Variants in STAB2 observed in about 807,000 individuals in gnomAD.
The protein encoded by STAB2 is stabilin-2.
STAB2 carries 288 observed loss-of-function variants against 338.1 expected under a neutral mutation model. The ratio of observed to expected loss-of-function variants is 0.85; its 90% CI spans 0.77 to 0.94. The LOEUF (loss-of-function observed/expected upper bound fraction) is 0.94. Among genes scored for constraint, STAB2 ranks in the 40% least tolerant of loss-of-function variants. STAB2 has a pLI of 0.00. For missense variants in STAB2, 3,141 were observed against 3,210.1 expected, an observed-to-expected ratio of 0.98 and a Z score of 0.52; for synonymous variants, 1,202 against 1,193.3, an observed-to-expected ratio of 1.01 and a Z score of -0.15.
intron 46 of STAB2, 34 bp downstream of exon 46, chr12:103,726,197 G>C: frequency 6.2e-7 from 1 of 1,612,004 alleles, no homozygotes; most frequent in East Asian, 2.2e-5. Context: ...AGCCATAAGA[G>C]TTCAGCCTAG....
intron 41 of STAB2, among the ~76,000 whole-genome samples, chr12:103,712,651 T>C (rs1879973225): frequency 6.6e-6 from 1 of 152,172 alleles, no homozygotes; most frequent in Non-Finnish European, 1.5e-5. Flanking sequence ...TGGGAAGCTT[T>C]AAAAAACAGT....
chr12:103,765,957 T>A, intron 68 of STAB2: 1 of 429,858 alleles, frequency 2.3e-6, no homozygotes, highest in South Asian at 2.0e-5. Flanking sequence ...GTGAGGTGCT[T>A]ATACCTTGCT....
chr12:103,690,373 C>T (rs1249498917), intron 29 of STAB2, 51 bp from the exon 30 acceptor site: 3 of 1,439,300 alleles, frequency 2.1e-6, no homozygotes, highest in African/African-American at 1.4e-5. Flanking sequence ...TTCAATGATA[C>T]AGCCCCATAC....
chr12:103,712,732 C>T (rs1032210989), intron 41 of STAB2, among the ~76,000 whole-genome samples: 2 of 152,194 alleles, frequency 1.3e-5, no homozygotes, highest in Admixed American at 6.5e-5. Flanking sequence ...CTCATCTATA[C>T]ATTATGACAG....
chr12:103,705,685 C>T lies in STAB2; in HGVS notation c.3954C>T (p.Thr1318=), dbSNP rs766909847. The T allele has an allele frequency of 8.1e-6, 13 of 1,614,124 alleles. No individual in the cohort carries two copies. The highest frequency in any genetic ancestry group is 1.1e-5 in the Non-Finnish European group (13 of 1,180,014). Residue 1318 remains threonine (T), a synonymous_variant, in exon 37 of 69, where the codon ACC becomes ACT. Coordinates refer to ENST00000388887, the MANE Select transcript of STAB2 (RefSeq NM_017564.10). ...CCTCCTATTTCATGGGAAGACGAAC[C>T]CTGTTTATTGGGTGCCAGCCAAAAT... The part of the protein sequence containing the change: ...IYTSYFMGRR[T]LFIGCQPKCV...
intron 25 of STAB2, 62 bp from the exon 26 acceptor site, chr12:103,683,143 G>A: frequency 6.9e-7 from 1 of 1,459,484 alleles, no homozygotes; most frequent in Non-Finnish European, 9.6e-7. Flanking sequence ...TGCTGTGTGA[G>A]GGAAAGACAT....
At chr12:103,737,574 T>TTCTC (rs10558320) in intron 52 of STAB2, 60 bp from the exon 53 acceptor site, 53,869 of 1,007,738 alleles carry the variant, frequency 0.053, 1,036 homozygotes, top group Admixed American at 0.1. Flanking sequence ...GATTGACTGT[T>TTCTC]TCTCTCTCTC....
At chr12:103,612,888 T>C (rs1471608639) in intron 3 of STAB2, among the ~76,000 whole-genome samples, 3 of 152,196 alleles carry the variant, frequency 2.0e-5, no homozygotes, top group African/African-American at 7.2e-5. Flanking sequence ...TTTCTGTTTG[T>C]TAGTTTTCCT....
chr12:103,742,976 G>A (rs1396054969), intron 56 of STAB2, among the ~76,000 whole-genome samples: 1 of 151,246 alleles, frequency 6.6e-6, no homozygotes, highest in East Asian at 1.9e-4. Context: ...AGAAACCAAG[G>A]TACAAAGAGC....
chr12:103,591,292 C>T (rs927953633), intron 2 of STAB2, among the ~76,000 whole-genome samples: 2 of 152,156 alleles, frequency 1.3e-5, no homozygotes, highest in South Asian at 2.1e-4. Flanking sequence ...CGAGACCAAC[C>T]TGTCCAACAT....
Position 103,648,719 on chromosome 12 carries a change from A to T in STAB2, c.1070A>T (p.Asp357Val), listed in dbSNP as rs754430949. ...ATTTGCCAGAAAGGTTACGTGGGTG[A>T]TGGCTTAACGTGTTATGGAAACATT... ...ECICQKGYVG[D>V]GLTCYGNIME... Residue 357 changes from aspartate to valine, a missense_variant, in exon 10 of 69, where the codon GAT becomes GTT. Physicochemically the swap from Asp to Val is radical, Grantham distance 152. Coordinates refer to ENST00000388887, the MANE Select transcript of STAB2 (RefSeq NM_017564.10). The T allele has an allele frequency of 1.2e-5, 19 of 1,614,098 alleles. No individual in the cohort carries two copies. The highest frequency in any genetic ancestry group is 1.5e-5 in the Non-Finnish European group (18 of 1,179,990).
intron 39 of STAB2, 155 bp from the exon 40 acceptor site, chr12:103,711,316 A>G (rs904801365): frequency 8.6e-6 from 8 of 925,594 alleles, no homozygotes; most frequent in Admixed American, 2.8e-5. Flanking sequence ...CATGGCAGCC[A>G]GTATAAAAAA....
chr12:103,740,381 A>T (rs1882485655), intron 54 of STAB2, among the ~76,000 whole-genome samples: 1 of 152,138 alleles, frequency 6.6e-6, no homozygotes, highest in South Asian at 2.1e-4. Flanking sequence ...TAAGGGTCTG[A>T]AAGTTCTTCC....
chr12:103,705,657 A>G lies in STAB2; in HGVS notation c.3926A>G (p.Tyr1309Cys). The G allele has an allele frequency of 6.2e-7, 1 of 1,614,174 alleles. No homozygotes were observed. The highest frequency in any genetic ancestry group is 8.5e-7 in the Non-Finnish European group (1 of 1,180,002). The change falls in exon 37 of 69, where the codon TAT (tyrosine) becomes TGT (cysteine). Residue 1309 changes from tyrosine to cysteine, a missense_variant. Tyr to Cys is a radical substitution (Grantham distance 194, BLOSUM62 -2). Transcript: ENST00000388887. ...GGTAATGAGAAGAGGAGATGCATCT[A>G]TACCTCCTATTTCATGGGAAGACGA... ...SLGNEKRRCIYTSYFMGRRTL... is the reference protein window; with the variant it reads ...SLGNEKRRCICTSYFMGRRTL...
intron 18 of STAB2, among the ~76,000 whole-genome samples, chr12:103,664,304 C>T (rs571915364): frequency 9.2e-5 from 14 of 152,202 alleles, no homozygotes; most frequent in African/African-American, 2.9e-4. Context: ...CCACCACGCC[C>T]GGCTAATTTT....
chr12:103,702,816 G>T (rs1879019472), intron 34 of STAB2, among the ~76,000 whole-genome samples: 1 of 152,170 alleles, frequency 6.6e-6, no homozygotes, highest in South Asian at 2.1e-4. Flanking sequence ...ATCATGGGTG[G>T]TATTTTTCAA....
chr12:103,670,790 G>A lies in STAB2; in HGVS notation c.2354G>A (p.Gly785Glu), dbSNP rs374975606. Residue 785 changes from glycine (G) to glutamate (E), a missense_variant, in exon 22 of 69, where the codon GGA (glycine) becomes GAA (glutamate). Physicochemically the swap from Gly to Glu is moderately conservative, Grantham distance 98. Coordinates refer to ENST00000388887, the MANE Select transcript of STAB2 (RefSeq NM_017564.10). The part of the protein sequence containing the change: ...CQFCSDPNKY[G>E]PRCNKKCLCV... ...TTCTGCTCTGATCCCAATAAATACG[G>A]ACCTCGGTGTAACAAAAGTAAGTGG... The A allele has an allele frequency of 2.7e-4, 443 of 1,613,834 alleles. No individual in the cohort carries two copies. The highest frequency in any genetic ancestry group is 3.7e-4 in the Non-Finnish European group (433 of 1,179,954).
In STAB2 at chr12:103,631,673, C is replaced by G; in HGVS notation, c.563C>G (p.Thr188Ser). 2 of 1,614,218 alleles carry G rather than the reference C, an allele frequency of 1.2e-6. No individual in the cohort carries two copies. Among genetic ancestry groups the G allele is most frequent in the Non-Finnish European group, 8.5e-7 (1 of 1,180,030 alleles). Reference sequence around the variant, plus strand: ...ACCTGTGAGTGCTACTCTGCGTACACTGGCCCCAAGTGTGACAAGCGTAAG... The same window carrying G: ...ACCTGTGAGTGCTACTCTGCGTACAGTGGCCCCAAGTGTGACAAGCGTAAG... Reference protein sequence around the residue: ...DGTCECYSAYTGPKCDKPIPE... With the variant: ...DGTCECYSAYSGPKCDKPIPE... The change falls in exon 6 of 69, where the codon ACT becomes AGT. Residue 188 changes from threonine (T) to serine (S), a missense_variant. Thr to Ser is a moderately conservative substitution (Grantham distance 58). Transcript: ENST00000388887.
chr12:103,750,992 T>C (rs1883595443), intron 60 of STAB2, among the ~76,000 whole-genome samples: 1 of 152,146 alleles, frequency 6.6e-6, no homozygotes, highest in Non-Finnish European at 1.5e-5. Context: ...CTTGGGAGGC[T>C]GAGGAAAGCG....
Sources: gnomAD v4.1 joint callset for allele counts (sites outside exome capture counted in the v4.1 genomes callset) on GRCh38, gnomAD v4.1.1 for gene constraint, MANE v1.5 for transcripts, NCBI Gene and HGNC (gene_info 2026-07-23, HGNC 2026-07-21) for gene names.